TMEM178B: variants seen among roughly 807,000 people sequenced by gnomAD.
TMEM178B encodes the protein transmembrane protein 178B.
In TMEM178B, 5 loss-of-function variants were observed where a neutral mutation model predicts 31.0. The ratio of observed to expected loss-of-function variants is 0.16; its 90% CI spans 0.08 to 0.34. The LOEUF is 0.34. Ranked by LOEUF, TMEM178B falls within the 10% of genes least tolerant of loss-of-function variation. TMEM178B has a pLI of 1.00. For synonymous variants in TMEM178B, 164 were observed against 164.0 expected (o/e 1.00, Z 0.00); for missense variants, 275 against 400.3 (o/e 0.69, Z 2.67).
intron 1 of TMEM178B, among the ~76,000 whole-genome samples, chr7:141,134,030 T>A (rs1302109500): frequency 6.6e-6 from 1 of 151,412 alleles, no homozygotes; most frequent in East Asian, 1.9e-4. Flanking sequence ...AGGGCAGGAG[T>A]TTGAGAGTAG....
At chr7:141,250,283 A>G (rs756328779) in intron 2 of TMEM178B, among the ~76,000 whole-genome samples, 2 of 152,208 alleles carry the variant, frequency 1.3e-5, no homozygotes, top group Non-Finnish European at 2.9e-5. Flanking sequence ...TTGAATCTTC[A>G]TACCAGCCTT....
intron 2 of TMEM178B, among the ~76,000 whole-genome samples, chr7:141,326,918 A>C (rs1374520584): frequency 6.6e-6 from 1 of 152,182 alleles, no homozygotes; most frequent in African/African-American, 2.4e-5. Flanking sequence ...GGTTAGTGGG[A>C]TGAGGAACTG....
chr7:141,252,889 A>G (rs887903537), intron 2 of TMEM178B, among the ~76,000 whole-genome samples: 8 of 152,158 alleles, frequency 5.3e-5, no homozygotes, highest in African/African-American at 1.9e-4. Context: ...CCCCAGCTCC[A>G]TTCTCCTTGC....
intron 2 of TMEM178B, among the ~76,000 whole-genome samples, chr7:141,403,531 T>G (rs1455863684): frequency 6.6e-6 from 1 of 152,214 alleles, no homozygotes; most frequent in Non-Finnish European, 1.5e-5. Flanking sequence ...GAGCTCAGAC[T>G]CTTTTGACTG....
At chr7:141,489,691 G>A in the TMEM178B span, among the ~76,000 whole-genome samples, 69 of 152,094 alleles carry the variant, frequency 4.5e-4, no homozygotes, top group Admixed American at 1.3e-3. Context: ...ACATTTTCCC[G>A]TGTTCTACCA....
intron 2 of TMEM178B, among the ~76,000 whole-genome samples, chr7:141,395,194 T>A (rs1002099069): frequency 2.0e-5 from 3 of 152,220 alleles, no homozygotes; most frequent in African/African-American, 7.2e-5. Flanking sequence ...TCCAGGAGAA[T>A]CTACAGAAGG....
chr7:141,182,599 T>A (rs940005956), intron 1 of TMEM178B, among the ~76,000 whole-genome samples: 2 of 152,146 alleles, frequency 1.3e-5, no homozygotes, highest in Non-Finnish European at 2.9e-5. Context: ...ACAGAAGAGT[T>A]GATAGGGACA....
At chr7:141,485,898 CA>C in the TMEM178B span, among the ~76,000 whole-genome samples, 1 of 152,202 alleles carries the variant, frequency 6.6e-6, no homozygotes, top group Admixed American at 6.5e-5. Flanking sequence ...CAATGTACTT[CA>C]ATCTCTCAGT....
At chr7:141,365,258 T>A (rs1423337790) in intron 2 of TMEM178B, among the ~76,000 whole-genome samples, 1 of 152,222 alleles carries the variant, frequency 6.6e-6, no homozygotes, top group African/African-American at 2.4e-5. Flanking sequence ...ACCCTTATGA[T>A]GTCAATTAGA....
chr7:141,466,529 C>G (rs1352464870), intron 3 of TMEM178B, among the ~76,000 whole-genome samples: 1 of 152,186 alleles, frequency 6.6e-6, no homozygotes, highest in Admixed American at 6.5e-5. Context: ...AGGTTGACGT[C>G]CTGTTTCAGA....
chr7:141,222,125 C>T (rs892224903), intron 2 of TMEM178B, among the ~76,000 whole-genome samples: 4 of 152,170 alleles, frequency 2.6e-5, no homozygotes, highest in Non-Finnish European at 5.9e-5. Flanking sequence ...CTCAGGGAAG[C>T]AGGACCTGTA....
intron 1 of TMEM178B, among the ~76,000 whole-genome samples, chr7:141,093,013 G>A (rs772208271): frequency 6.6e-6 from 1 of 152,190 alleles, no homozygotes; most frequent in Non-Finnish European, 1.5e-5. Flanking sequence ...GAGGGGGCTT[G>A]TAGTCAGATG....
intron 2 of TMEM178B, among the ~76,000 whole-genome samples, chr7:141,324,295 G>A (rs1192260151): frequency 6.6e-6 from 1 of 152,056 alleles, no homozygotes; most frequent in African/African-American, 2.4e-5. Flanking sequence ...GAATGTAGCA[G>A]CCTGGGGAGA....
At position 141,473,665 on chromosome 7, in the gene TMEM178B, C is replaced by T. The variant is rs1197107336; in HGVS notation, c.*2879C>T. 2.0e-5 allele frequency: 3 copies of T among 152,222 alleles called. No homozygotes were observed. Among genetic ancestry groups the T allele is most frequent in the African/African-American group, 7.2e-5 (3 of 41,454 alleles). The allele number at this position is 152,222 out of a possible 1,614,324, so 9.4% of individuals were successfully genotyped here. On this transcript the variant is annotated 3_prime_UTR_variant, in exon 4 of 4. Coordinates refer to ENST00000565468, the MANE Select transcript of TMEM178B (RefSeq NM_001195278.2). ...AAAGACGTAAACAACCTGGGCTCAACTCACCAGCCCAGAGCAGGGGCTTTG... is the reference window on the plus strand; with the variant it reads ...AAAGACGTAAACAACCTGGGCTCAATTCACCAGCCCAGAGCAGGGGCTTTG...
At chr7:141,218,651 C>A (rs1005228596) in intron 2 of TMEM178B, among the ~76,000 whole-genome samples, 14 of 152,036 alleles carry the variant, frequency 9.2e-5, no homozygotes, top group Non-Finnish European at 1.9e-4. Context: ...CCCAACCCGG[C>A]CCCCCACACC....
chr7:141,126,856 AGTGTGTGT>A (rs10600930), intron 1 of TMEM178B, among the ~76,000 whole-genome samples: 3,360 of 145,648 alleles, frequency 0.023, 40 homozygotes, highest in Non-Finnish European at 0.03. Context: ...ATCTTCTCAA[AGTGTGTGT>A]GTGTGTGTGT....
At chr7:141,384,487 T>G (rs971486056) in intron 2 of TMEM178B, among the ~76,000 whole-genome samples, 2 of 152,218 alleles carry the variant, frequency 1.3e-5, no homozygotes, top group Admixed American at 1.3e-4. Flanking sequence ...TTTCCCCATT[T>G]CTTGTTTTTG....
intron 2 of TMEM178B, among the ~76,000 whole-genome samples, chr7:141,377,219 T>C (rs529784606): frequency 1.2e-4 from 18 of 151,236 alleles, no homozygotes; most frequent in Non-Finnish European, 2.1e-4. Context: ...GTTTCGCTCT[T>C]GTCACCCAGG....
intron 2 of TMEM178B, among the ~76,000 whole-genome samples, chr7:141,361,133 G>T (rs1799911180): frequency 6.6e-6 from 1 of 152,160 alleles, no homozygotes; most frequent in Non-Finnish European, 1.5e-5. Flanking sequence ...CTGTTTCAAG[G>T]GAAGCAGTCT....
Sources: gnomAD v4.1 joint callset for allele counts (sites outside exome capture counted in the v4.1 genomes callset) on GRCh38, gnomAD v4.1.1 for gene constraint, MANE v1.5 for transcripts, NCBI Gene and HGNC (gene_info 2026-07-23, HGNC 2026-07-21) for gene names.